The following GNAS variants were observed in gnomAD, a reference collection of about 807,000 sequenced individuals.
GNAS encodes the protein GNAS complex locus.
A neutral mutation model predicts 54.5 loss-of-function variants in GNAS; 8 were observed. The observed-to-expected ratio is 0.15, with a 90% CI of 0.09 to 0.26. The LOEUF is 0.26. GNAS is among the 10% of genes least tolerant of loss of function. The pLI is 1.00. For missense variants in GNAS, 170 were observed against 529.8 expected, an observed-to-expected ratio of 0.32 and a Z score of 6.67; for synonymous variants, 204 against 191.4, an observed-to-expected ratio of 1.07 and a Z score of -0.54.
upstream of GNAS, chr20:58,888,376 A>T (rs972621455): frequency 6.6e-6 from 1 of 152,240 alleles, no homozygotes; most frequent in African/African-American, 2.4e-5. Context: ...GCAGCAGATG[A>T]CCTAACCAAG....
At chr20:58,902,537 A>T (rs1264523903) in intron 3 of GNAS, among the ~76,000 whole-genome samples, 1 of 151,992 alleles carries the variant, frequency 6.6e-6, no homozygotes, top group Non-Finnish European at 1.5e-5. Context: ...AAACTCAAGG[A>T]AAAGCTACAA....
In GNAS at chr20:58,853,273, T is replaced by G. The variant is rs2086256517; in HGVS notation, c.43+12387T>G. ...AGAGGCCGCCACCGTGTTATGGGCG[T>G]GCGCAACTGCCTCTACGGCAATAAT... On this transcript the variant is annotated intron_variant, in intron 1 of 12. Coordinates refer to the GNAS transcript ENST00000306090. The surrounding 1 kb of genome is among the most constrained non-coding windows in gnomAD (Gnocchi z 4.4). 6.5e-7 allele frequency: 1 copy of G among 1,546,428 alleles called. No individual in the cohort carries two copies. Among genetic ancestry groups the G allele is most frequent in the East Asian group, 2.5e-5 (1 of 40,762 alleles).
At position 58,896,074 on chromosome 20, in the gene GNAS, C is replaced by T. The variant is rs556511392; in HGVS notation, c.212+390C>T. ...TTTGGCCGCCCCCTCGTCCGGCCCACGCTGATCACTGCAAATTCACCCCAC... is the reference window on the plus strand; with the variant it reads ...TTTGGCCGCCCCCTCGTCCGGCCCATGCTGATCACTGCAAATTCACCCCAC... On this transcript the variant is annotated intron_variant, in intron 2 of 12. Coordinates refer to ENST00000371085, the MANE Select transcript of GNAS (RefSeq NM_000516.7). 2.0e-5 allele frequency among the ~76,000 whole-genome samples: 3 copies of T among 152,284 alleles called. No individual in the cohort carries two copies. In the South Asian group the frequency reaches 6.2e-4, roughly 32 times the overall value.
At position 58,905,548 on chromosome 20, in the gene GNAS, G is replaced by A. The variant is rs2090985684; in HGVS notation, c.530+68G>A. 1.0e-5 allele frequency: 9 copies of A among 899,970 alleles called. No homozygotes were observed. In the East Asian group the frequency reaches 2.2e-4, roughly 22 times the overall value. The allele number at this position is 899,970 out of a possible 1,614,324, so 55.7% of individuals were successfully genotyped here. A position where few individuals can be genotyped will look rare whatever the true frequency, so the allele number is the denominator to read the frequency against. ...AAAACAAGAAAACATGAAAACCTGT[G>A]ATCCTGCTTTGAAAGTTACTTGTTG... is the stretch of plus-strand genomic sequence containing the variant. On this transcript the variant is annotated intron_variant, in intron 6 of 12. Transcript: ENST00000371085.
At chr20:58,840,659 C>T (rs748047944), upstream of GNAS, 1 of 1,605,248 alleles carries the variant, frequency 6.2e-7, no homozygotes, top group Non-Finnish European at 8.5e-7. This position sits in a 1 kb window ranked among gnomAD's most constrained non-coding sequence, Gnocchi z 6.0. Flanking sequence ...CACTCAGGAG[C>T]CCCAGAGCCC....
At chr20:58,896,693 G>C (rs2090096224) in intron 2 of GNAS, among the ~76,000 whole-genome samples, 1 of 151,568 alleles carries the variant, frequency 6.6e-6, no homozygotes, top group African/African-American at 2.4e-5. Context: ...ACTGGTATGA[G>C]AGCATTAACC....
chr20:58,903,346 A>T (rs1427306126), intron 3 of GNAS, 185 bp from the exon 4 acceptor site: 1 of 691,018 alleles, frequency 1.4e-6, no homozygotes, highest in African/African-American at 1.8e-5. Context: ...TCCTCAGGGC[A>T]CATTTGGGAG....
chr20:58,889,514 G>T, upstream of GNAS: 1 of 216,252 alleles, frequency 4.6e-6, no homozygotes, highest in Non-Finnish European at 7.9e-6. Flanking sequence ...CTTCTCCATT[G>T]GCGTGCCCAA....
chr20:58,868,071 A>T (rs1253940666), intron 1 of GNAS, among the ~76,000 whole-genome samples: 1 of 142,210 alleles, frequency 7.0e-6, no homozygotes, highest in Non-Finnish European at 1.5e-5. Context: ...CCCAGGCTGG[A>T]GTGAAGTGGC....
At chr20:58,900,763 G>C (rs1189549892) in intron 3 of GNAS, among the ~76,000 whole-genome samples, 2 of 152,172 alleles carry the variant, frequency 1.3e-5, no homozygotes, top group East Asian at 3.8e-4. Flanking sequence ...AATAGTAAAA[G>C]TGATGATAAA....
chr20:58,885,043 T>C (rs148101757), intron 1 of GNAS: 18 of 152,392 alleles, frequency 1.2e-4, no homozygotes, highest in African/African-American at 3.6e-4. Context: ...ATGTGCATCA[T>C]ATCATTTAGG....
Position 58,844,411 on chromosome 20 carries a change from T to TTGTG in GNAS, c.43+3526_43+3529dup, listed in dbSNP as rs576412820. On this transcript the variant is annotated intron_variant, in intron 1 of 12. Coordinates refer to the GNAS transcript ENST00000306090. ...ATGAGAGATGGAATTTCTTGTTCTG[T>TTGTG]TGTGGGGTTTTGACACTAATGACTC... 1.1e-4 allele frequency among the ~76,000 whole-genome samples: 17 copies of TTGTG among 152,304 alleles called. No individual in the cohort carries two copies. The South Asian group carries it at 3.5e-3, about 32-fold the overall frequency.
upstream of GNAS, chr20:58,888,974 C>T (rs556248386): frequency 2.6e-3 from 1,858 of 719,668 alleles, 5 homozygotes; most frequent in Middle Eastern, 9.7e-3. Context: ...ATCGCGGCCC[C>T]CGCGCCCCCG....
chr20:58,899,931 TTC>T, intron 3 of GNAS: 1 of 718,034 alleles, frequency 1.4e-6, no homozygotes, highest in Non-Finnish European at 2.6e-6. Context: ...CACATGTTTG[TTC>T]ATCTGTTTCT....
chr20:58,868,836 A>C (rs1010846700), intron 1 of GNAS, among the ~76,000 whole-genome samples: 2 of 152,140 alleles, frequency 1.3e-5, no homozygotes, highest in African/African-American at 4.8e-5. Flanking sequence ...CAAATTATTC[A>C]GGGCTGGGAA....
At chr20:58,904,084 ATC>A (rs1343726855) in intron 5 of GNAS, among the ~76,000 whole-genome samples, 1 of 152,176 alleles carries the variant, frequency 6.6e-6, no homozygotes, top group Non-Finnish European at 1.5e-5. Context: ...GAATACTACA[ATC>A]TCACTTTATT....
intron 3 of GNAS, among the ~76,000 whole-genome samples, chr20:58,902,256 G>T (rs116340090): frequency 0.018 from 2,686 of 152,110 alleles, 81 homozygotes; most frequent in African/African-American, 0.061. Context: ...CCATTTTTGG[G>T]CTATAGACCT....
At chr20:58,898,885 T>G in intron 2 of GNAS, 56 bp from the exon 3 acceptor site, 2 of 1,412,240 alleles carry the variant, frequency 1.4e-6, no homozygotes, top group South Asian at 2.3e-5. Flanking sequence ...GTGTGGGGTT[T>G]GTGTGACACT....
intron 1 of GNAS, among the ~76,000 whole-genome samples, chr20:58,845,034 A>G (rs1247538099): frequency 9.6e-6 from 1 of 103,710 alleles, no homozygotes; most frequent in Non-Finnish European, 2.3e-5. Context: ...TGTGTGTTTT[A>G]CGTGTGTGTG....
Sources: gnomAD v4.1 joint callset for allele counts (sites outside exome capture counted in the v4.1 genomes callset) on GRCh38, gnomAD v4.1.1 for gene constraint, Gnocchi (gnomAD v3.1) non-coding constraint, MANE v1.5 for transcripts, NCBI Gene and HGNC (gene_info 2026-07-23, HGNC 2026-07-21) for gene names.